The following USP9X variants were observed in gnomAD, a reference collection of about 807,000 sequenced individuals.
The protein encoded by USP9X is ubiquitin carboxyl-terminal hydrolase 9X.
USP9X carries 7 observed loss-of-function variants against 190.3 expected under a neutral mutation model. That is an observed-to-expected ratio of 0.04 (90% CI 0.02 to 0.07). The LOEUF is 0.07. USP9X is among the 10% of genes least tolerant of loss of function. USP9X has a pLI of 1.00. For missense variants in USP9X, 1,010 were observed against 1,916.9 expected (o/e 0.53, Z 8.83); for synonymous variants, 645 against 659.5 (o/e 0.98, Z 0.34).
At chrX:41,177,740 A>G (rs930281962) in intron 21 of USP9X, among the ~76,000 whole-genome samples, 2 of 111,963 alleles carry the variant, frequency 1.8e-5, no homozygotes, top group Non-Finnish European at 3.8e-5. Context: ...TTCTACATTT[A>G]TTAGTTGACA....
At position 41,170,194 on chromosome X, in the gene USP9X, G is replaced by C; in HGVS notation, c.2836G>C (p.Asp946His). The change falls in exon 19 of 45, where the codon GAT (aspartate) becomes CAT (histidine). Residue 946 changes from aspartate to histidine, a missense_variant. Asp to His is a moderately conservative substitution (Grantham distance 81, BLOSUM62 -1). This residue lies in a region of USP9X where 351 missense variants were observed against 480.8 expected (regional missense o/e 0.73). Transcript: ENST00000378308. ...CGGTGAGCTGATAGATCCTGCAGAT[G>C]ATAGAAAGTTGATTGGACAATTAAA... ...VGGELIDPAD[D>H]RKLIGQLNLK... 8.3e-7 allele frequency: 1 copy of C among 1,211,263 alleles called. No homozygotes were observed. Among genetic ancestry groups the C allele is most frequent in the East Asian group, 3.0e-5 (1 of 33,824 alleles).
At chrX:41,181,787 G>A (rs2062829755) in intron 21 of USP9X, among the ~76,000 whole-genome samples, 1 of 110,206 alleles carries the variant, frequency 9.1e-6, no homozygotes, top group African/African-American at 3.3e-5. Context: ...TGTAGTGATG[G>A]GGGTCTTGCT....
At chrX:41,117,111 A>G (rs2062153345) in intron 1 of USP9X, among the ~76,000 whole-genome samples, 2 of 111,457 alleles carry the variant, frequency 1.8e-5, no homozygotes, top group East Asian at 5.6e-4. Context: ...AACAGAAACC[A>G]AGAGCTAGAA....
At chrX:41,220,381 AAAAC>A (rs1424573280) in intron 38 of USP9X, among the ~76,000 whole-genome samples, 1 of 112,256 alleles carries the variant, frequency 8.9e-6, no homozygotes, top group East Asian at 2.8e-4. Flanking sequence ...TTTCCTGCTG[AAAAC>A]AAATACTGTA....
At chrX:41,109,551 T>C (rs779360128) in intron 1 of USP9X, among the ~76,000 whole-genome samples, 8 of 112,339 alleles carry the variant, frequency 7.1e-5, no homozygotes, top group Non-Finnish European at 1.1e-4. Flanking sequence ...CAGTGACTTA[T>C]AGGAAGTAGC....
In USP9X at chrX:41,216,512, T is replaced by C; in HGVS notation, c.5945T>C (p.Ile1982Thr). The C allele has an allele frequency of 8.3e-7, 1 of 1,211,724 alleles. No homozygotes were observed. Among genetic ancestry groups the C allele is most frequent in the Non-Finnish European group, 1.1e-6 (1 of 895,541 alleles). ...ATCACCACCAGACCTCATCAGATTA[T>C]TATGCCATCAGCCATTGAGAGAAGT... is the stretch of plus-strand genomic sequence containing the variant. ...LAITTRPHQIIMPSAIERSVR... is the reference protein window; with the variant it reads ...LAITTRPHQITMPSAIERSVR... The change falls in exon 35 of 45, where the codon ATT becomes ACT. Residue 1982 changes from isoleucine to threonine, a missense_variant. Physicochemically the swap from Ile to Thr is moderately conservative, Grantham distance 89. Transcript: ENST00000378308.
At chrX:41,096,979 G>T (rs1254752737) in intron 1 of USP9X, among the ~76,000 whole-genome samples, 2 of 112,163 alleles carry the variant, frequency 1.8e-5, no homozygotes, top group Admixed American at 1.9e-4. Flanking sequence ...TTAGAAGTTG[G>T]TTATATTCCT....
At chrX:41,205,586 T>A in intron 32 of USP9X, 93 bp downstream of exon 32, 1 of 867,540 alleles carries the variant, frequency 1.2e-6, no homozygotes, top group Non-Finnish European at 1.6e-6. Context: ...TTGGAAGGCA[T>A]CTTTTTTTAA....
chrX:41,229,190 C>G, intron 41 of USP9X, 63 bp from the exon 42 acceptor site: 1 of 890,948 alleles, frequency 1.1e-6, no homozygotes, highest in South Asian at 3.0e-5. Context: ...ACATAGTAGG[C>G]ACTCAGTATA....
intron 21 of USP9X, among the ~76,000 whole-genome samples, chrX:41,183,419 A>G (rs1386197778): frequency 1.8e-5 from 2 of 111,822 alleles, no homozygotes; most frequent in Admixed American, 1.9e-4. Context: ...GGATTATCTT[A>G]TTTTTCCCCC....
intron 38 of USP9X, among the ~76,000 whole-genome samples, chrX:41,222,090 T>C (rs2063268603): frequency 9.0e-6 from 1 of 111,638 alleles, no homozygotes; most frequent in Non-Finnish European, 1.9e-5. Flanking sequence ...TTGGGTAGAT[T>C]GAGTTTGAGC....
chrX:41,165,506 G>C (rs748189863), intron 15 of USP9X, among the ~76,000 whole-genome samples: 1 of 112,127 alleles, frequency 8.9e-6, no homozygotes, highest in Non-Finnish European at 1.9e-5. Flanking sequence ...CATTACAGGC[G>C]TGAGTTACTG....
intron 21 of USP9X, among the ~76,000 whole-genome samples, chrX:41,182,099 A>G (rs1365592176): frequency 8.9e-6 from 1 of 112,095 alleles, no homozygotes; most frequent in Admixed American, 9.4e-5. Context: ...ACTACTTCTG[A>G]CCGGGTCACG....
chrX:41,146,316 A>T lies in USP9X; in HGVS notation c.1419+1690A>T, dbSNP rs182444450. ...CACTTTTTTCCCAAGGTGTTGGTAA[A>T]TCTGGCAATTCTTATGGAGTGTTGA... On this transcript the variant is annotated intron_variant, in intron 11 of 44. Coordinates refer to ENST00000378308, the MANE Select transcript of USP9X (RefSeq NM_001039591.3). Among the ~76,000 whole-genome samples the T allele has an allele frequency of 1.6e-4, 18 of 111,945 alleles. No homozygotes were observed. In the East Asian group the frequency reaches 5.0e-3, roughly 31 times the overall value.
intron 1 of USP9X, among the ~76,000 whole-genome samples, chrX:41,115,546 T>C (rs967391792): frequency 1.8e-5 from 2 of 112,275 alleles, no homozygotes; most frequent in Non-Finnish European, 3.8e-5. Context: ...CATTTCACTT[T>C]GATGTCCAGT....
At chrX:41,220,531 G>A (rs2063251765) in intron 38 of USP9X, among the ~76,000 whole-genome samples, 2 of 112,299 alleles carry the variant, frequency 1.8e-5, no homozygotes, top group South Asian at 7.2e-4. Context: ...ACTTACAATT[G>A]AACACATTAA....
At chrX:41,125,684 A>ACACACTCTCTCTCT in intron 2 of USP9X, among the ~76,000 whole-genome samples, 12 of 19,021 alleles carry the variant, frequency 6.3e-4, no homozygotes, top group African/African-American at 1.5e-3. Context: ...ACACACACAC[A>ACACACTCTCTCTCT]CTCTCTCTCT....
At chrX:41,174,552 G>T (rs111830732) in intron 21 of USP9X, among the ~76,000 whole-genome samples, 3,786 of 111,641 alleles carry the variant, frequency 0.034, 150 homozygotes, top group African/African-American at 0.12. Context: ...TGCGTCTTTG[G>T]CAGAAATACC....
intron 1 of USP9X, among the ~76,000 whole-genome samples, chrX:41,105,189 C>CAT (rs2062060878): frequency 9.0e-6 from 1 of 111,295 alleles, no homozygotes; most frequent in African/African-American, 3.3e-5. Context: ...TGAGACAGAG[C>CAT]ATGTGGCCTG....
Sources: allele counts gnomAD v4.1 joint callset (sites outside exome capture counted in the v4.1 genomes callset), GRCh38; gene constraint gnomAD v4.1.1; regional missense constraint gnomAD v4.1.1; transcripts MANE v1.5; gene names NCBI Gene and HGNC (gene_info 2026-07-23, HGNC 2026-07-21).